DMXL1: variants seen among roughly 807,000 people sequenced by gnomAD.
DMXL1 encodes dmX-like protein 1.
Under a neutral mutation model 319.2 loss-of-function variants are expected in DMXL1, and 99 were observed. The ratio of observed to expected loss-of-function variants is 0.31; its 90% CI spans 0.26 to 0.37. The LOEUF is 0.37. Ranked by LOEUF, DMXL1 falls within the 10% of genes least tolerant of loss-of-function variation. The pLI, the probability that DMXL1 is intolerant of heterozygous loss-of-function variation, is 1.00. For missense variants in DMXL1, 3,745 were observed against 3,595.6 expected, an observed-to-expected ratio of 1.04 and a Z score of -1.06; for synonymous variants, 1,385 against 1,235.2, an observed-to-expected ratio of 1.12 and a Z score of -2.54.
At chr5:119,230,253 G>T (rs1458842217) in intron 38 of DMXL1, among the ~76,000 whole-genome samples, 1 of 152,098 alleles carries the variant, frequency 6.6e-6, no homozygotes, top group Admixed American at 6.5e-5. Context: ...TAACTCTTAA[G>T]GATATGCCTG....
chr5:119,132,263 C>T (rs1239555284), intron 10 of DMXL1, among the ~76,000 whole-genome samples: 2 of 152,036 alleles, frequency 1.3e-5, no homozygotes, highest in African/African-American at 2.4e-5. Flanking sequence ...TATAAGGTGG[C>T]GAAAGAGGCC....
intron 35 of DMXL1, among the ~76,000 whole-genome samples, chr5:119,219,556 A>ATTTATTTATTTATTTATTT (rs1554146876): frequency 6.6e-6 from 1 of 150,572 alleles, no homozygotes; most frequent in African/African-American, 2.5e-5. Flanking sequence ...ATACACATTT[A>ATTTATTTATTTATTTATTT]ATTAATTAAT....
chr5:119,089,551 A>G lies in DMXL1; in HGVS notation c.88-8428A>G, dbSNP rs150675641. Among the ~76,000 whole-genome samples the G allele has an allele frequency of 6.0e-5, 9 of 148,814 alleles. No homozygotes were observed. The East Asian group carries it at 1.8e-3, about 29-fold the overall frequency. On this transcript the variant is annotated intron_variant, in intron 1 of 43. Transcript: ENST00000539542. ...TCAAACTCCTGGCCTCAAGTGATCT[A>G]CCCACCTTGGCCTCCCAAAGTGCTG...
chr5:119,244,616 C>G, intron 43 of DMXL1, 40 bp downstream of exon 43: 1 of 1,460,244 alleles, frequency 6.8e-7, no homozygotes, highest in South Asian at 1.2e-5. Flanking sequence ...AAAATGAAAT[C>G]TTCAGAAACC....
chr5:119,109,709 A>G (rs1389408839), intron 4 of DMXL1, among the ~76,000 whole-genome samples: 1 of 152,122 alleles, frequency 6.6e-6, no homozygotes, highest in Non-Finnish European at 1.5e-5. Flanking sequence ...ACCAGGTTTC[A>G]TTTCCTCACT....
chr5:119,189,933 A>G (rs1778414776), intron 29 of DMXL1, 47 bp downstream of exon 29: 1 of 1,533,446 alleles, frequency 6.5e-7, no homozygotes, highest in African/African-American at 1.4e-5. Flanking sequence ...TCAAATAGAA[A>G]TGAGAATATC....
In DMXL1 at chr5:119,178,003, T is replaced by G. The variant is rs779325857; in HGVS notation, c.6894T>G (p.Thr2298=). ...GTTTGTTTGTCGTTCTAGGAATAAC[T>G]TGTCTAATTCGACTTTTGAATTCTT... ...NTSPAQWPGI[T]CLIRLLNSSG... Residue 2298 remains threonine, a synonymous_variant, in exon 28 of 44, where the codon ACT becomes ACG. Transcript: ENST00000539542. The G allele has an allele frequency of 1.2e-6, 2 of 1,602,848 alleles. No homozygotes were observed. The highest frequency in any genetic ancestry group is 1.7e-6 in the Non-Finnish European group (2 of 1,173,422).
intron 40 of DMXL1, 82 bp from the exon 41 acceptor site, chr5:119,238,907 G>C (rs901446043): frequency 1.3e-6 from 2 of 1,552,692 alleles, no homozygotes; most frequent in Non-Finnish European, 1.7e-6. Flanking sequence ...GAAACTACAT[G>C]ATCACTTTTC....
intron 9 of DMXL1, among the ~76,000 whole-genome samples, chr5:119,123,222 A>C (rs991408548): frequency 4.6e-5 from 7 of 151,866 alleles, no homozygotes; most frequent in Admixed American, 2.0e-4. Flanking sequence ...AGAATCAGGC[A>C]GGGAGGCTGC....
At chr5:119,211,148 T>C (rs1027637187) in intron 34 of DMXL1, among the ~76,000 whole-genome samples, 2 of 152,054 alleles carry the variant, frequency 1.3e-5, no homozygotes, top group Admixed American at 6.6e-5. Context: ...GTTATCCTTT[T>C]TATATATAGT....
intron 19 of DMXL1, among the ~76,000 whole-genome samples, chr5:119,162,087 T>G (rs1304089148): frequency 4.6e-5 from 7 of 152,214 alleles, no homozygotes; most frequent in Non-Finnish European, 8.8e-5. Context: ...ACCGTGGCTT[T>G]CTTTTTCCAC....
At position 119,089,999 on chromosome 5, in the gene DMXL1, C is replaced by CTTTTTTTTTTTTTTTTTTTTTTTT. The variant is rs70982467; in HGVS notation, c.88-7965_88-7942dup. On this transcript the variant is annotated intron_variant, in intron 1 of 43. Transcript: ENST00000539542. ...TGATTATTTTATGCTTCGGGTTAGT[C>CTTTTTTTTTTTTTTTTTTTTTTTT]TTTTTTTTTTTTTTTTTTTTTTTTT... is the stretch of plus-strand genomic sequence containing the variant. Among the ~76,000 whole-genome samples, 7 of 34,402 alleles carry CTTTTTTTTTTTTTTTTTTTTTTTT rather than the reference C, an allele frequency of 2.0e-4. 3 individuals carry two copies. The highest frequency in any genetic ancestry group is 3.7e-4 in the Non-Finnish European group (7 of 18,760). 22.6% of individuals were successfully genotyped at this position (34,402 alleles called of 152,430 possible). A position where few individuals can be genotyped will look rare whatever the true frequency, so the allele number is the denominator to read the frequency against.
In DMXL1 at chr5:119,178,055, A is replaced by G; in HGVS notation, c.6946A>G (p.Thr2316Ala). The change falls in exon 28 of 44, where the codon ACA becomes GCA. Residue 2316 changes from threonine (T) to alanine (A), a missense_variant. This residue lies in a region of DMXL1 where 1,382 missense variants were observed against 1,269.5 expected (regional missense o/e 1.09). Coordinates refer to ENST00000539542, the MANE Select transcript of DMXL1 (RefSeq NM_001290321.3). The stretch of plus-strand genomic sequence containing the variant: ...TGGCGAGGAAGCCCAGTCAGGGCTT[A>G]CAGTCTTGCTCTGTGAGATTCTCAC... ...SSGEEAQSGL[T>A]VLLCEILTAV... The G allele has an allele frequency of 1.2e-6, 2 of 1,613,440 alleles. No homozygotes were observed. The highest frequency in any genetic ancestry group is 2.2e-5 in the South Asian group (2 of 90,962).
At position 119,071,600 on chromosome 5, in the gene DMXL1, G is replaced by A; in HGVS notation, c.31G>A (p.Val11Met). ...CCTGCACCAGGTGCTGACCGGGGCT[G>A]TGAACCCTGGCGACCACTGCTTCTC... is the stretch of plus-strand genomic sequence containing the variant. MNLHQVLTGA[V>M]NPGDHCFSVG... is the part of the protein sequence containing the mutation. The change falls in exon 1 of 44, where the codon GTG (valine) becomes ATG (methionine). Residue 11 changes from valine to methionine, a missense_variant. Coordinates refer to ENST00000539542, the MANE Select transcript of DMXL1 (RefSeq NM_001290321.3). 6.2e-7 allele frequency: 1 copy of A among 1,605,328 alleles called. No individual in the cohort carries two copies. The highest frequency in any genetic ancestry group is 8.5e-7 in the Non-Finnish European group (1 of 1,176,348).
At chr5:119,202,129 C>T (rs934480914) in intron 32 of DMXL1, among the ~76,000 whole-genome samples, 28 of 151,844 alleles carry the variant, frequency 1.8e-4, no homozygotes, top group African/African-American at 6.8e-4. Context: ...TTTATTTGTT[C>T]TTGCTTCTCT....
chr5:119,172,589 A>G (rs554221058), intron 25 of DMXL1, among the ~76,000 whole-genome samples: 1 of 152,362 alleles, frequency 6.6e-6, no homozygotes, highest in Non-Finnish European at 1.5e-5. Flanking sequence ...TTATATTGTT[A>G]TAGTTAATTG....
chr5:119,099,796 A>G (rs1449146533), intron 2 of DMXL1, among the ~76,000 whole-genome samples: 1 of 152,146 alleles, frequency 6.6e-6, no homozygotes, highest in African/African-American at 2.4e-5. Flanking sequence ...TGAGACCAGA[A>G]GTTTGAGACC....
Position 119,189,813 on chromosome 5 carries a change from G to A in DMXL1, c.7241G>A (p.Ser2414Asn). ...CTGACCCCTTCCTCGGCACCAGTAA[G>A]CCAGGAGTCACTGGCGGTTAAAGAA... ...APLTPSSAPVSQESLAVKEKF... is the reference protein window; with the variant it reads ...APLTPSSAPVNQESLAVKEKF... The change falls in exon 29 of 44, where the codon AGC (serine) becomes AAC (asparagine). Residue 2414 changes from serine (S) to asparagine (N), a missense_variant. By Grantham distance (46) the Ser-to-Asn change is conservative. Transcript: ENST00000539542. 6.2e-7 allele frequency: 1 copy of A among 1,614,138 alleles called. No individual in the cohort carries two copies. The highest frequency in any genetic ancestry group is 1.3e-5 in the African/African-American group (1 of 75,052).
At chr5:119,144,225 G>A (rs1244302402) in intron 14 of DMXL1, among the ~76,000 whole-genome samples, 10 of 151,794 alleles carry the variant, frequency 6.6e-5, no homozygotes, top group Non-Finnish European at 1.5e-5. Context: ...GTGGTGTTAG[G>A]TTCCTCATCC....
Sources: allele counts gnomAD v4.1 joint callset (sites outside exome capture counted in the v4.1 genomes callset), GRCh38; gene constraint gnomAD v4.1.1; regional missense constraint gnomAD v4.1.1; transcripts MANE v1.5; gene names NCBI Gene and HGNC (gene_info 2026-07-23, HGNC 2026-07-21).